The following GRK4 variants were observed in gnomAD, a reference collection of about 807,000 sequenced individuals.
GRK4 encodes G protein-coupled receptor kinase 2-like.
In GRK4, 73 loss-of-function variants were observed where a neutral mutation model predicts 77.9. That is an observed-to-expected ratio of 0.94 (90% CI 0.78 to 1.14). The LOEUF (loss-of-function observed/expected upper bound fraction) is 1.14. Ranked by LOEUF, GRK4 falls within the 50% of genes most tolerant of loss-of-function variation. GRK4 has a pLI of 0.00. For synonymous variants in GRK4, 257 were observed against 254.4 expected, an observed-to-expected ratio of 1.01 and a Z score of -0.10; for missense variants, 729 against 700.2, an observed-to-expected ratio of 1.04 and a Z score of -0.46.
chr4:3,026,122 T>G (rs1737487397), intron 10 of GRK4, among the ~76,000 whole-genome samples: 1 of 152,250 alleles, frequency 6.6e-6, no homozygotes, highest in Non-Finnish European at 1.5e-5. Flanking sequence ...TTTCGTTGAA[T>G]GTATCCTTGA....
At chr4:2,965,637 A>G in intron 1 of GRK4, 4 of 604,562 alleles carry the variant, frequency 6.6e-6, no homozygotes, top group South Asian at 3.9e-5. Flanking sequence ...TGGGCCCAGG[A>G]GAGTCCAGCC....
chr4:2,965,354 C>T (rs1717279871), intron 1 of GRK4: 3 of 702,952 alleles, frequency 4.3e-6, no homozygotes. Context: ...TTGCCTGCGT[C>T]TCAAGAGAGC....
Position 3,019,673 on chromosome 4 carries a change from T to C in GRK4, c.774T>C (p.Asp258=). The change falls in exon 9 of 16, where the codon GAT becomes GAC. Residue 258 remains aspartate (D), a synonymous_variant. Coordinates refer to ENST00000398052, the MANE Select transcript of GRK4 (RefSeq NM_182982.3). ...TAGCCTACGCTTATGAAACCAAAGA[T>C]GCCTTGTGCTTGGTGCTCACCATTA... ...VSLAYAYETK[D]ALCLVLTIMN... 1 of 1,614,002 alleles carries C rather than the reference T, an allele frequency of 6.2e-7. No individual in the cohort carries two copies. Among genetic ancestry groups the C allele is most frequent in the Admixed American group, 1.7e-5 (1 of 59,956 alleles).
rs553585414 is a variant in GRK4 at position 3,030,598 on chromosome 4, G to A, written c.1269+1189G>A. Among the ~76,000 whole-genome samples the A allele has an allele frequency of 1.8e-3, 272 of 152,116 alleles. 2 individuals carry two copies. Among genetic ancestry groups the A allele is most frequent in the Admixed American group, 3.6e-3 (55 of 15,276 alleles). On this transcript the variant is annotated intron_variant, in intron 12 of 15. Coordinates refer to ENST00000398052, the MANE Select transcript of GRK4 (RefSeq NM_182982.3). ...GACGTGTGGGCTGTGGGGAGGACCC[G>A]CACTCTGGAGGACGGGGAACTGCCT... is the stretch of plus-strand genomic sequence containing the variant.
chr4:2,995,333 T>C (rs895186209), intron 4 of GRK4, among the ~76,000 whole-genome samples: 1 of 152,010 alleles, frequency 6.6e-6, no homozygotes, highest in Non-Finnish European at 1.5e-5. Flanking sequence ...CAAGGTGTTG[T>C]TGACCTAAAA....
intron 2 of GRK4, among the ~76,000 whole-genome samples, chr4:2,985,324 C>T (rs972179365): frequency 4.6e-5 from 7 of 151,170 alleles, no homozygotes; most frequent in African/African-American, 1.2e-4. Flanking sequence ...TGACGTGAAA[C>T]CGGGAGGCGG....
At chr4:2,985,394 C>G (rs547139254) in intron 2 of GRK4, among the ~76,000 whole-genome samples, 126 of 134,344 alleles carry the variant, frequency 9.4e-4, no homozygotes, top group African/African-American at 3.5e-3. Flanking sequence ...GAGCAAGACT[C>G]TGTCTCAAAA....
intron 1 of GRK4, among the ~76,000 whole-genome samples, chr4:2,981,137 A>G (rs1341645229): frequency 6.6e-6 from 1 of 152,256 alleles, no homozygotes; most frequent in Non-Finnish European, 1.5e-5. Context: ...ACAGAGCTTC[A>G]AAGAGGGTGT....
At chr4:2,979,767 T>C (rs112981799) in intron 1 of GRK4, among the ~76,000 whole-genome samples, 1,979 of 152,276 alleles carry the variant, frequency 0.013, 21 homozygotes, top group African/African-American at 0.033. Context: ...TGGTCCCAGC[T>C]GCTGAGGAGG....
intron 8 of GRK4, among the ~76,000 whole-genome samples, chr4:3,018,865 C>T (rs917290535): frequency 2.6e-5 from 4 of 152,094 alleles, no homozygotes; most frequent in African/African-American, 9.7e-5. Context: ...GGCGACAGAG[C>T]AAGACTGTGT....
intron 7 of GRK4, among the ~76,000 whole-genome samples, chr4:3,011,309 G>C (rs567484714): frequency 6.6e-6 from 1 of 152,128 alleles, no homozygotes; most frequent in African/African-American, 2.4e-5. Context: ...TGCTGGGCGC[G>C]GTGGCTCACG....
intron 7 of GRK4, 72 bp downstream of exon 7, chr4:3,009,783 C>T (rs781329493): frequency 1.3e-5 from 14 of 1,074,716 alleles, no homozygotes; most frequent in Non-Finnish European, 1.9e-5. Context: ...AACATGGCTT[C>T]AGGTAATGCA....
intron 1 of GRK4, among the ~76,000 whole-genome samples, chr4:2,972,776 C>T (rs1346590188): frequency 6.6e-6 from 1 of 152,000 alleles, no homozygotes; most frequent in Non-Finnish European, 1.5e-5. Flanking sequence ...ACTCTGTCAC[C>T]CAGGCTGGAG....
At chr4:2,969,908 C>A (rs1205383323) in intron 1 of GRK4, among the ~76,000 whole-genome samples, 2 of 152,142 alleles carry the variant, frequency 1.3e-5, no homozygotes, top group Non-Finnish European at 2.9e-5. Context: ...AACCCCTGGA[C>A]TCAAGTGATC....
chr4:2,969,002 G>A (rs989148805), intron 1 of GRK4, among the ~76,000 whole-genome samples: 1 of 152,080 alleles, frequency 6.6e-6, no homozygotes, highest in African/African-American at 2.4e-5. Context: ...CATACACCGT[G>A]GGGGAGAAGT....
chr4:3,004,308 C>CA lies in GRK4; in HGVS notation c.423dup (p.Ala142SerfsTer3). 2.5e-6 allele frequency: 4 copies of CA among 1,611,176 alleles called. No individual in the cohort carries two copies. Among genetic ancestry groups the CA allele is most frequent in the Non-Finnish European group, 3.4e-6 (4 of 1,177,740 alleles). ...TGGGACTGAAGGAGGAGAACCCTTC[C>CA]AAAAAAGCCTTTGAGGAATGTACTA... On this transcript the variant is annotated frameshift_variant, in exon 5 of 16. Transcript: ENST00000398052. LOFTEE classifies it high-confidence loss of function.
chr4:3,004,624 T>C (rs964360058), intron 5 of GRK4, among the ~76,000 whole-genome samples: 2 of 152,206 alleles, frequency 1.3e-5, no homozygotes, highest in Non-Finnish European at 2.9e-5. Context: ...TTATATGCTA[T>C]ACTCTTACAA....
chr4:3,019,569 A>G (rs1735498848), intron 8 of GRK4, 72 bp from the exon 9 acceptor site: 3 of 1,207,480 alleles, frequency 2.5e-6, no homozygotes, highest in Non-Finnish European at 1.2e-6. Flanking sequence ...TTTGCATATT[A>G]TTAGCAAATA....
intron 5 of GRK4, 69 bp from the exon 6 acceptor site, chr4:3,007,667 C>A: frequency 1.1e-6 from 1 of 896,786 alleles, no homozygotes; most frequent in Non-Finnish European, 1.7e-6. Flanking sequence ...CCTATTAATG[C>A]ACTAAAACAC....
Sources: allele counts gnomAD v4.1 joint callset (sites outside exome capture counted in the v4.1 genomes callset), GRCh38; gene constraint gnomAD v4.1.1; transcripts MANE v1.5; gene names NCBI Gene and HGNC (gene_info 2026-07-23, HGNC 2026-07-21).